PITPNM1: variants seen among roughly 807,000 people sequenced by gnomAD.
The protein encoded by PITPNM1 is membrane-associated phosphatidylinositol transfer protein 1.
A neutral mutation model predicts 133.3 loss-of-function variants in PITPNM1; 74 were observed. The ratio of observed to expected loss-of-function variants is 0.56; its 90% CI spans 0.46 to 0.67. The LOEUF is 0.67. Ranked by LOEUF, PITPNM1 falls within the 30% of genes least tolerant of loss-of-function variation. The probability of loss-of-function intolerance (pLI) is 0.00; values close to 1 mark genes in which losing one functional copy is unlikely to be tolerated. For missense variants in PITPNM1, 1,398 were observed against 1,739.5 expected, an observed-to-expected ratio of 0.80 and a Z score of 3.49; for synonymous variants, 738 against 741.4, an observed-to-expected ratio of 1.00 and a Z score of 0.08.
intron 15 of PITPNM1, among the ~76,000 whole-genome samples, chr11:67,495,932 A>G (rs918135822): frequency 2.0e-5 from 3 of 152,168 alleles, no homozygotes; most frequent in African/African-American, 4.8e-5. Flanking sequence ...ATGGCAGCAC[A>G]CCAGCATCAT....
chr11:67,493,871 G>A (rs750261977), intron 20 of PITPNM1, 34 bp from the exon 21 acceptor site: 1 of 1,523,878 alleles, frequency 6.6e-7, no homozygotes, highest in South Asian at 1.2e-5. Context: ...GAGTGGCGCG[G>A]GGCGAGGCCT....
Position 67,502,792 on chromosome 11 carries a change from G to GTTC in PITPNM1, c.79-77_79-75dup, listed in dbSNP as rs1164689267. 1 of 1,452,736 alleles carries GTTC rather than the reference G, an allele frequency of 6.9e-7. No homozygotes were observed. The highest frequency in any genetic ancestry group is 9.6e-7 in the Non-Finnish European group (1 of 1,045,930). The allele number at this position is 1,452,736 out of a possible 1,614,324, so 90.0% of individuals were successfully genotyped here. On this transcript the variant is annotated intron_variant, in intron 2 of 23. Coordinates refer to ENST00000356404, the MANE Select transcript of PITPNM1 (RefSeq NM_004910.3). The surrounding 1 kb of genome is among the most constrained non-coding windows in gnomAD (Gnocchi z 5.9). ...TCTGGGATCCCCAGCTCAGCCTGGTGTTCTACACAGCTCTGGGGCCCTGGT... is the reference window on the plus strand; with the variant it reads ...TCTGGGATCCCCAGCTCAGCCTGGTGTTCTTCTACACAGCTCTGGGGCCCTGGT...
At position 67,499,825 on chromosome 11, in the gene PITPNM1, A is replaced by C; in HGVS notation, c.1069T>G (p.Phe357Val). The change falls in exon 8 of 24, where the codon TTC becomes GTC. Residue 357 changes from phenylalanine (F) to valine (V), a missense_variant. Phe to Val is a conservative substitution (Grantham distance 50). Coordinates refer to ENST00000356404, the MANE Select transcript of PITPNM1 (RefSeq NM_004910.3). The stretch of plus-strand genomic sequence containing the variant: ...GGGAAGACCTCCTCACTGTCCGAGA[A>C]GCCTTCTGAGGGGACAGGGGGCTGT... ...EEEFFDAHEG[F>V]SDSEEVFPKE... is the part of the protein sequence containing the mutation. The C allele has an allele frequency of 6.3e-7, 1 of 1,575,580 alleles. No homozygotes were observed. Among genetic ancestry groups the C allele is most frequent in the Non-Finnish European group, 8.7e-7 (1 of 1,153,958 alleles).
intron 8 of PITPNM1, 95 bp from the exon 9 acceptor site, chr11:67,499,096 G>T (rs1367837827): frequency 8.1e-7 from 1 of 1,234,520 alleles, no homozygotes; most frequent in Admixed American, 2.3e-5. Flanking sequence ...ATCTGCCTGA[G>T]GCCCCCAGTC....
rs1866428205 is a variant in PITPNM1, at chr11:67,504,393, G to C, written c.-41-172C>G. On this transcript the variant is annotated intron_variant, in intron 1 of 23. Coordinates refer to ENST00000356404, the MANE Select transcript of PITPNM1 (RefSeq NM_004910.3). This position sits in a 1 kb window ranked among gnomAD's most constrained non-coding sequence, Gnocchi z 5.4. The stretch of plus-strand genomic sequence containing the variant: ...CGCCGCCGGGGCCGGGAGCCGCAGC[G>C]AGGCTGAGCGCTGACCTCTTTTCCG... 4.3e-6 allele frequency: 1 copy of C among 233,538 alleles called. No homozygotes were observed. Among genetic ancestry groups the C allele is most frequent in the Non-Finnish European group, 8.2e-6 (1 of 121,554 alleles). 14.5% of individuals were successfully genotyped at this position (233,538 alleles called of 1,614,324 possible). A position where few individuals can be genotyped will look rare whatever the true frequency, so the allele number is the denominator to read the frequency against.
Position 67,497,441 on chromosome 11 carries a change from G to C in PITPNM1, c.1941-5C>G, listed in dbSNP as rs765131990. ...GTTGCGGGGGCTGCCTGAAGGCTGT[G>C]GGGGAGGAGGGGTGCTCAGTGCTGC... On this transcript the variant is annotated splice_region_variant and splice_polypyrimidine_tract_variant and intron_variant, in intron 13 of 23. Coordinates refer to ENST00000356404, the MANE Select transcript of PITPNM1 (RefSeq NM_004910.3). The C allele has an allele frequency of 8.2e-6, 13 of 1,590,122 alleles. No individual in the cohort carries two copies. The highest frequency in any genetic ancestry group is 3.5e-5 in the Admixed American group (2 of 57,564).
At chr11:67,503,313 C>T (rs1452980158) in intron 2 of PITPNM1, among the ~76,000 whole-genome samples, 3 of 152,186 alleles carry the variant, frequency 2.0e-5, no homozygotes, top group Admixed American at 1.3e-4. Context: ...GATGTGCTGG[C>T]AGGTGGCAAG....
chr11:67,494,311 C>T lies in PITPNM1; in HGVS notation c.2792G>A (p.Arg931His), dbSNP rs577684030. 9.3e-6 allele frequency: 15 copies of T among 1,611,740 alleles called. No individual in the cohort carries two copies. In the South Asian group the frequency reaches 1.3e-4, roughly 14 times the overall value. Residue 931 changes from arginine to histidine, a missense_variant, in exon 19 of 24, where the codon CGC (arginine) becomes CAC (histidine). Arg to His is a conservative substitution (Grantham distance 29). This residue lies in a region of PITPNM1 where 233 missense variants were observed against 378.0 expected (regional missense o/e 0.62). Coordinates refer to ENST00000356404, the MANE Select transcript of PITPNM1 (RefSeq NM_004910.3). ...RASDTVVCEG[R>H]PQVLSGRFMY... ...GAAGCGCCCGCTTAGCACCTGGGGGCGGCCCTCGCACACCACCGTGTCGCT... is the reference window on the plus strand; with the variant it reads ...GAAGCGCCCGCTTAGCACCTGGGGGTGGCCCTCGCACACCACCGTGTCGCT...
chr11:67,492,361 G>A (rs1865956665), intron 23 of PITPNM1, 65 bp from the exon 24 acceptor site: 1 of 1,445,990 alleles, frequency 6.9e-7, no homozygotes, highest in Admixed American at 2.7e-5. Context: ...GCCCTCCACG[G>A]TCCTCCAGAG....
At chr11:67,495,870 T>G (rs1184498992) in intron 15 of PITPNM1, among the ~76,000 whole-genome samples, 3 of 152,220 alleles carry the variant, frequency 2.0e-5, no homozygotes, top group African/African-American at 7.2e-5. Flanking sequence ...GCAATAAATG[T>G]CTGCAGCACA....
rs1378232149 is a variant in PITPNM1 at position 67,498,823 on chromosome 11, C to T, written c.1257G>A (p.Leu419=). Residue 419 remains leucine (L), a synonymous_variant, in exon 10 of 24, where the codon CTG becomes CTA. Transcript: ENST00000356404. This position sits in a 1 kb window ranked among gnomAD's most constrained non-coding sequence, Gnocchi z 5.7. The stretch of plus-strand genomic sequence containing the variant: ...CGTGGACTGCGCATGCCTCAGCCCC[C>T]AGCTCCCCGGCTCCATCCAGGCCCT... The part of the protein sequence containing the change: ...DSEGLDGAGE[L]GAEACAVHAL... 1 of 1,610,790 alleles carries T rather than the reference C, an allele frequency of 6.2e-7. No individual in the cohort carries two copies. The highest frequency in any genetic ancestry group is 8.5e-7 in the Non-Finnish European group (1 of 1,178,332).
chr11:67,500,735 C>T (rs1049936748), intron 5 of PITPNM1, among the ~76,000 whole-genome samples: 6 of 152,196 alleles, frequency 3.9e-5, no homozygotes, highest in Non-Finnish European at 5.9e-5. Context: ...CTGCTGACTT[C>T]TGAGGAATTA....
intron 23 of PITPNM1, 95 bp downstream of exon 23, chr11:67,492,839 T>C: frequency 6.8e-7 from 1 of 1,467,350 alleles, no homozygotes; most frequent in Non-Finnish European, 9.2e-7. Flanking sequence ...TTAGGCCTTC[T>C]CACATCTTCC....
chr11:67,499,068 AG>A, intron 8 of PITPNM1, 67 bp from the exon 9 acceptor site: 2 of 1,496,486 alleles, frequency 1.3e-6, no homozygotes, highest in Non-Finnish European at 1.8e-6. Flanking sequence ...CTGGCACTTC[AG>A]GCACCCCAGT....
Position 67,497,441 on chromosome 11 carries a change from G to A in PITPNM1, c.1941-5C>T. 1 of 1,590,240 alleles carries A rather than the reference G, an allele frequency of 6.3e-7. No homozygotes were observed. Among genetic ancestry groups the A allele is most frequent in the Non-Finnish European group, 8.6e-7 (1 of 1,166,252 alleles). ...GTTGCGGGGGCTGCCTGAAGGCTGT[G>A]GGGGAGGAGGGGTGCTCAGTGCTGC... On this transcript the variant is annotated splice_region_variant and splice_polypyrimidine_tract_variant and intron_variant, in intron 13 of 23. Transcript: ENST00000356404.
chr11:67,492,317 C>T (rs760492716), intron 23 of PITPNM1, 21 bp from the exon 24 acceptor site: 4 of 1,532,610 alleles, frequency 2.6e-6, no homozygotes, highest in East Asian at 2.3e-5. Flanking sequence ...AGGTAGGCAG[C>T]GATGAGGGGG....
chr11:67,500,885 AG>A (rs2134319172), intron 5 of PITPNM1, among the ~76,000 whole-genome samples: 1 of 152,400 alleles, frequency 6.6e-6, no homozygotes, highest in Non-Finnish European at 1.5e-5. Flanking sequence ...CTTAAGCAGA[AG>A]AAAAAGTTAG....
At chr11:67,492,333 G>C (rs766141240) in intron 23 of PITPNM1, 37 bp from the exon 24 acceptor site, 67 of 1,516,554 alleles carry the variant, frequency 4.4e-5, no homozygotes, top group Non-Finnish European at 5.7e-5. Context: ...GGGGGTGCTG[G>C]CCAAGGGCCC....
rs1363330100 is a variant in PITPNM1, at chr11:67,502,495, C to T, written c.293+9G>A. The stretch of plus-strand genomic sequence containing the variant: ...CTGGCCTCGGACCATGCCCAGCTCA[C>T]CCACTCACCGGGTTCGGGTGTAGGG... On this transcript the variant is annotated intron_variant, in intron 3 of 23. Coordinates refer to ENST00000356404, the MANE Select transcript of PITPNM1 (RefSeq NM_004910.3). This position sits in a 1 kb window ranked among gnomAD's most constrained non-coding sequence, Gnocchi z 5.9. 6.2e-7 allele frequency: 1 copy of T among 1,613,726 alleles called. No individual in the cohort carries two copies. Among genetic ancestry groups the T allele is most frequent in the Admixed American group, 1.7e-5 (1 of 60,034 alleles).
Sources: allele counts gnomAD v4.1 joint callset (sites outside exome capture counted in the v4.1 genomes callset), GRCh38; gene constraint gnomAD v4.1.1; regional missense constraint gnomAD v4.1.1; non-coding constraint Gnocchi (gnomAD v3.1); transcripts MANE v1.5; gene names NCBI Gene and HGNC (gene_info 2026-07-23, HGNC 2026-07-21).